The following ETV4 variants were observed in gnomAD, a reference collection of about 807,000 sequenced individuals.
ETV4 encodes ETS variant transcription factor 4, also known as ETS translocation variant 4.
In ETV4, 42 loss-of-function variants were observed where a neutral mutation model predicts 65.9. The ratio of observed to expected loss-of-function variants is 0.64; its 90% CI spans 0.50 to 0.82. The LOEUF is 0.82. ETV4 is among the 40% of genes least tolerant of loss of function. The pLI is 0.00. For missense variants in ETV4, 583 were observed against 630.3 expected (o/e 0.92, Z 0.80); for synonymous variants, 238 against 260.0 (o/e 0.92, Z 0.81).
At position 43,530,246 on chromosome 17, in the gene ETV4, G is replaced by A. The variant is rs975927373; in HGVS notation, c.812-65C>T. 4 of 1,549,596 alleles carry A rather than the reference G, an allele frequency of 2.6e-6. No homozygotes were observed. The African/African-American group carries it at 5.5e-5, about 21-fold the overall frequency. ...GTGGAGCTCGAGGGCAGGGGAGGAGGAAGTCCTATCCACATTCAAGAATTT... is the reference window on the plus strand; with the variant it reads ...GTGGAGCTCGAGGGCAGGGGAGGAGAAAGTCCTATCCACATTCAAGAATTT... On this transcript the variant is annotated intron_variant, in intron 8 of 12. Coordinates refer to ENST00000319349, the MANE Select transcript of ETV4 (RefSeq NM_001079675.5).
At chr17:43,532,186 A>G (rs947185082) in intron 8 of ETV4, among the ~76,000 whole-genome samples, 1 of 152,128 alleles carries the variant, frequency 6.6e-6, no homozygotes, top group Non-Finnish European at 1.5e-5. Context: ...TTTAATCTGA[A>G]TATAGGTTTG....
chr17:43,540,620 C>G (rs781267166), intron 4 of ETV4, among the ~76,000 whole-genome samples: 2 of 152,168 alleles, frequency 1.3e-5, no homozygotes, highest in Non-Finnish European at 2.9e-5. Context: ...GAGCTCACTG[C>G]AGCCTCTAAC....
At position 43,533,332 on chromosome 17, in the gene ETV4, TG is replaced by T. The variant is rs745944421; in HGVS notation, c.399del (p.Arg134AspfsTer30). ...GCAGGGGACTTGATGGCGATTTGTC[TG>T]GGGGGGTCATAGGCACTGGAGTTGA... ...QCLYSSAYDP[P>X]RQIAIKSPAP... is the part of the protein sequence containing the mutation. On this transcript the variant is annotated frameshift_variant, in exon 7 of 13. Coordinates refer to ENST00000319349, the MANE Select transcript of ETV4 (RefSeq NM_001079675.5). LOFTEE classifies it high-confidence loss of function. 1 of 1,612,926 alleles carries T rather than the reference TG, an allele frequency of 6.2e-7. No homozygotes were observed. Among genetic ancestry groups the T allele is most frequent in the Non-Finnish European group, 8.5e-7 (1 of 1,179,422 alleles).
intron 7 of ETV4, 26 bp from the exon 8 acceptor site, chr17:43,532,965 A>C: frequency 1.3e-6 from 2 of 1,537,924 alleles, no homozygotes; most frequent in South Asian, 2.6e-5. Flanking sequence ...TGGAGAAGGA[A>C]GAGAAGAGAA....
At position 43,545,546 on chromosome 17, in the gene ETV4, C is replaced by A. The variant is rs1401993843; in HGVS notation, c.60+12G>T. On this transcript the variant is annotated intron_variant, in intron 2 of 12. Coordinates refer to ENST00000319349, the MANE Select transcript of ETV4 (RefSeq NM_001079675.5). ...GGGGCGGGGCGGGCGTGGAGGCCGG[C>A]GCGGCGCTCACGCTGCTGAAGGTGT... The A allele has an allele frequency of 1.4e-5, 21 of 1,547,416 alleles. No individual in the cohort carries two copies. The highest frequency in any genetic ancestry group is 1.2e-4 in the East Asian group (5 of 40,844).
intron 1 of ETV4, 76 bp from the exon 2 acceptor site, chr17:43,545,744 G>C (rs1971790610): frequency 3.9e-6 from 3 of 778,690 alleles, no homozygotes; most frequent in Non-Finnish European, 6.2e-6. Context: ...GCAGTCCCAA[G>C]GCTCTGGGTC....
At chr17:43,539,393 A>T (rs1971406832) in intron 4 of ETV4, among the ~76,000 whole-genome samples, 1 of 152,034 alleles carries the variant, frequency 6.6e-6, no homozygotes, top group African/African-American at 2.4e-5. Context: ...CCTAAACCAA[A>T]GTGGTTCCTC....
At chr17:43,537,103 C>A (rs888507927) in intron 4 of ETV4, among the ~76,000 whole-genome samples, 10 of 152,186 alleles carry the variant, frequency 6.6e-5, no homozygotes, top group African/African-American at 2.2e-4. Context: ...TGGTGGCTCA[C>A]GCCTATAATC....
intron 5 of ETV4, among the ~76,000 whole-genome samples, chr17:43,534,735 T>C (rs1377891108): frequency 6.6e-6 from 1 of 151,776 alleles, no homozygotes; most frequent in East Asian, 1.9e-4. Flanking sequence ...AAGTCAGAAG[T>C]TCAAGACCAG....
intron 5 of ETV4, 33 bp downstream of exon 5, chr17:43,536,393 C>T: frequency 6.3e-7 from 1 of 1,599,264 alleles, no homozygotes; most frequent in East Asian, 2.2e-5. Flanking sequence ...ATCCTCCACT[C>T]CCTATACCCT....
At chr17:43,543,342 T>C (rs1486748432) in intron 4 of ETV4, among the ~76,000 whole-genome samples, 1 of 149,270 alleles carries the variant, frequency 6.7e-6, no homozygotes, top group Non-Finnish European at 1.5e-5. Context: ...AGACAGACAT[T>C]TGTACCCTCT....
intron 7 of ETV4, 29 bp downstream of exon 7, chr17:43,533,158 A>G: frequency 6.2e-7 from 1 of 1,610,086 alleles, no homozygotes. Flanking sequence ...ACCTGGGCCC[A>G]TGAGCAGTGG....
rs531061211 is a variant in ETV4 at position 43,546,268 on chromosome 17, G to T, written c.-135C>A. ...GCACCGAGGGCCGCGGGGCTAGGCC[G>T]GAGTAAGGCGGCCCCGGCCCCGGGT... On this transcript the variant is annotated 5_prime_UTR_variant, in exon 1 of 13. Coordinates refer to ENST00000319349, the MANE Select transcript of ETV4 (RefSeq NM_001079675.5). 1 of 152,176 alleles carries T rather than the reference G, an allele frequency of 6.6e-6. No homozygotes were observed. The highest frequency in any genetic ancestry group is 6.5e-5 in the Admixed American group (1 of 15,276). The allele number at this position is 152,176 out of a possible 1,614,324, so 9.4% of individuals were successfully genotyped here. A position where few individuals can be genotyped will look rare whatever the true frequency, so the allele number is the denominator to read the frequency against.
chr17:43,543,054 C>G (rs1177971447), intron 4 of ETV4, among the ~76,000 whole-genome samples: 1 of 152,044 alleles, frequency 6.6e-6, no homozygotes, highest in Non-Finnish European at 1.5e-5. Flanking sequence ...CATCTGTCTC[C>G]GCAGAGAAAG....
intron 4 of ETV4, among the ~76,000 whole-genome samples, chr17:43,543,276 A>T (rs4793258): frequency 8.2e-4 from 114 of 138,216 alleles, no homozygotes; most frequent in Middle Eastern, 3.6e-3. Flanking sequence ...ACACACACAC[A>T]CTCTCTCTCT....
Position 43,533,900 on chromosome 17 carries a change from C to G in ETV4, c.342G>C (p.Pro114=), listed in dbSNP as rs773648385. The G allele has an allele frequency of 3.1e-6, 5 of 1,596,036 alleles. No individual in the cohort carries two copies. In the African/African-American group the frequency reaches 5.4e-5, roughly 17 times the overall value. Residue 114 remains proline (P), a synonymous_variant, in exon 6 of 13, where the codon CCG becomes CCC. Transcript: ENST00000319349. The part of the protein sequence containing the change: ...TDPALSCSRK[P]PLPYHHGEQC... ...GCTCGCCATGGTGGTAGGGGAGTGG[C>G]GGCTTCCTGCTGCAGGACAGGGCCG...
intron 8 of ETV4, chr17:43,530,462 G>C: frequency 7.5e-7 from 1 of 1,340,402 alleles, no homozygotes; most frequent in Non-Finnish European, 9.6e-7. Flanking sequence ...AGCTGCCAGG[G>C]AGCAGCTGTT....
rs1168507455 is a variant in ETV4, at chr17:43,541,396, G to T, written c.202+3579C>A. The stretch of plus-strand genomic sequence containing the variant: ...GCCAGTGTGCCAGGGTCTGTCCCCA[G>T]CTCCATCCCGGTACTAAGATGGAGT... On this transcript the variant is annotated intron_variant, in intron 4 of 12. Transcript: ENST00000319349. Among the ~76,000 whole-genome samples, 3 of 152,352 alleles carry T rather than the reference G, an allele frequency of 2.0e-5. No individual in the cohort carries two copies. In the East Asian group the frequency reaches 5.8e-4, roughly 29 times the overall value.
At chr17:43,536,811 G>A (rs1971267228) in intron 4 of ETV4, among the ~76,000 whole-genome samples, 1 of 152,260 alleles carries the variant, frequency 6.6e-6, no homozygotes, top group Admixed American at 6.5e-5. Context: ...GCTTGCTTGA[G>A]ACTAAAGGCT....
Sources: gnomAD v4.1 joint callset for allele counts (sites outside exome capture counted in the v4.1 genomes callset) on GRCh38, gnomAD v4.1.1 for gene constraint, MANE v1.5 for transcripts, NCBI Gene and HGNC (gene_info 2026-07-23, HGNC 2026-07-21) for gene names.